Variants in FAT3 observed in about 807,000 individuals in gnomAD.
FAT3 encodes FAT atypical cadherin 3.
In FAT3, 95 loss-of-function variants were observed where a neutral mutation model predicts 310.2. The ratio of observed to expected loss-of-function variants is 0.31; its 90% CI spans 0.26 to 0.36. The LOEUF is 0.36. Ranked by LOEUF, FAT3 falls within the 10% of genes least tolerant of loss-of-function variation. FAT3 has a pLI of 1.00. For missense variants in FAT3, 5,408 were observed against 5,715.6 expected, an observed-to-expected ratio of 0.95 and a Z score of 1.74; for synonymous variants, 2,314 against 2,192.9, an observed-to-expected ratio of 1.06 and a Z score of -1.54.
At chr11:92,313,942 T>C (rs1252580459) in intron 1 of FAT3, among the ~76,000 whole-genome samples, 1 of 152,258 alleles carries the variant, frequency 6.6e-6, no homozygotes, top group Non-Finnish European at 1.5e-5. Flanking sequence ...ACATACATTC[T>C]ACTGGAGCAG....
Position 92,894,446 on chromosome 11 carries a change from A to G in FAT3, c.*3333A>G, listed in dbSNP as rs1591871479. 6.6e-6 allele frequency: 1 copy of G among 152,274 alleles called. No homozygotes were observed. The highest frequency in any genetic ancestry group is 1.9e-4 in the East Asian group (1 of 5,178). 9.4% of individuals were successfully genotyped at this position (152,274 alleles called of 1,614,324 possible). ...CACCATGATGAACCATGTGGAAACTATTTAAATCAATTAATGTCTTTCTCA... is the reference window on the plus strand; with the variant it reads ...CACCATGATGAACCATGTGGAAACTGTTTAAATCAATTAATGTCTTTCTCA... On this transcript the variant is annotated 3_prime_UTR_variant, in exon 28 of 28. Transcript: ENST00000525166.
chr11:92,626,153 A>T (rs1941326631), intron 3 of FAT3, among the ~76,000 whole-genome samples: 1 of 152,196 alleles, frequency 6.6e-6, no homozygotes, highest in Non-Finnish European at 1.5e-5. Context: ...GAGCAGCCCC[A>T]AAGCCTGAGT....
intron 2 of FAT3, among the ~76,000 whole-genome samples, chr11:92,480,137 C>A (rs1444036385): frequency 3.3e-5 from 5 of 151,924 alleles, no homozygotes; most frequent in Non-Finnish European, 5.9e-5. Flanking sequence ...TGGTGGCGGG[C>A]GCCTGTAGTC....
At chr11:92,374,427 C>A (rs1949285120) in intron 2 of FAT3, among the ~76,000 whole-genome samples, 1 of 152,134 alleles carries the variant, frequency 6.6e-6, no homozygotes, top group Non-Finnish European at 1.5e-5. Flanking sequence ...AAGAAGGCCT[C>A]ACTAGGGAGA....
intron 2 of FAT3, among the ~76,000 whole-genome samples, chr11:92,447,380 T>C (rs1274666636): frequency 6.6e-6 from 1 of 151,946 alleles, no homozygotes. Context: ...CCTTTTTTTT[T>C]CCTGTAAGAT....
At chr11:92,510,534 G>C (rs1353406281) in intron 2 of FAT3, among the ~76,000 whole-genome samples, 1 of 152,156 alleles carries the variant, frequency 6.6e-6, no homozygotes, top group Non-Finnish European at 1.5e-5. Context: ...TTTTTATAGA[G>C]AGAAGAGGTG....
chr11:92,409,542 C>T (rs1160370410), intron 2 of FAT3, among the ~76,000 whole-genome samples: 2 of 152,074 alleles, frequency 1.3e-5, no homozygotes, highest in African/African-American at 4.8e-5. Context: ...TTCATTCATC[C>T]TGTAGAGCAC....
At chr11:92,590,132 G>A (rs1939353545) in intron 3 of FAT3, among the ~76,000 whole-genome samples, 1 of 152,086 alleles carries the variant, frequency 6.6e-6, no homozygotes, top group Non-Finnish European at 1.5e-5. Context: ...GTACTCAGTA[G>A]GTAAAGGCTG....
At chr11:92,828,015 T>C (rs749853071) in intron 13 of FAT3, among the ~76,000 whole-genome samples, 2 of 152,108 alleles carry the variant, frequency 1.3e-5, no homozygotes, top group Non-Finnish European at 2.9e-5. Flanking sequence ...AATTACATAG[T>C]TAAAAACACA....
chr11:92,857,461 C>T, intron 20 of FAT3, 113 bp downstream of exon 20: 3 of 1,409,722 alleles, frequency 2.1e-6, no homozygotes, highest in Non-Finnish European at 2.9e-6. Flanking sequence ...ATGCATGCAA[C>T]CTTTTCCTTT....
intron 3 of FAT3, among the ~76,000 whole-genome samples, chr11:92,690,065 C>G (rs895957250): frequency 6.6e-6 from 1 of 152,214 alleles, no homozygotes; most frequent in African/African-American, 2.4e-5. Flanking sequence ...TACAGTTTTC[C>G]TCTGCAGGAT....
At chr11:92,740,165 A>T (rs1945465633) in intron 4 of FAT3, among the ~76,000 whole-genome samples, 1 of 152,164 alleles carries the variant, frequency 6.6e-6, no homozygotes. Context: ...ATCTGTAAAA[A>T]CTACTTGTAT....
intron 3 of FAT3, among the ~76,000 whole-genome samples, chr11:92,536,541 G>A (rs1284127144): frequency 6.6e-6 from 1 of 152,108 alleles, no homozygotes; most frequent in Non-Finnish European, 1.5e-5. Context: ...GTTAAGATAT[G>A]TAAAGTATTT....
At chr11:92,275,718 G>A (rs996929501) in intron 1 of FAT3, among the ~76,000 whole-genome samples, 3 of 152,106 alleles carry the variant, frequency 2.0e-5, no homozygotes, top group Admixed American at 1.3e-4. Flanking sequence ...CTTTTCAGGA[G>A]CACATGAGTT....
At chr11:92,554,943 G>A (rs912359231) in intron 3 of FAT3, among the ~76,000 whole-genome samples, 2 of 152,164 alleles carry the variant, frequency 1.3e-5, no homozygotes, top group Non-Finnish European at 2.9e-5. Flanking sequence ...GGATTAAAGC[G>A]CCAGCAGCAT....
At chr11:92,268,433 A>AATTGTAAAAAATC (rs146392037) in intron 1 of FAT3, among the ~76,000 whole-genome samples, 28,553 of 151,480 alleles carry the variant, frequency 0.19, 3,098 homozygotes, top group African/African-American at 0.31. Flanking sequence ...AAATCTGAAC[A>AATTGTAAAAAATC]TGTTTGACAA....
At chr11:92,727,373 A>G (rs1443335063) in intron 4 of FAT3, among the ~76,000 whole-genome samples, 1 of 152,142 alleles carries the variant, frequency 6.6e-6, no homozygotes, top group Non-Finnish European at 1.5e-5. Flanking sequence ...TGGGAGATAC[A>G]GCCTGTCAGG....
At chr11:92,268,187 C>T (rs925340704) in intron 1 of FAT3, among the ~76,000 whole-genome samples, 1 of 152,130 alleles carries the variant, frequency 6.6e-6, no homozygotes, top group Non-Finnish European at 1.5e-5. Context: ...GCTATTATCC[C>T]CATTTCACAT....
At chr11:92,395,163 A>G (rs1178562043) in intron 2 of FAT3, among the ~76,000 whole-genome samples, 1 of 152,114 alleles carries the variant, frequency 6.6e-6, no homozygotes, top group Non-Finnish European at 1.5e-5. Flanking sequence ...ATTTTTCCAG[A>G]TATATTCTCT....
Sources: allele counts gnomAD v4.1 joint callset (sites outside exome capture counted in the v4.1 genomes callset), GRCh38; gene constraint gnomAD v4.1.1; transcripts MANE v1.5; gene names NCBI Gene and HGNC (gene_info 2026-07-23, HGNC 2026-07-21).